The following PALLD variants were observed in gnomAD, a reference collection of about 807,000 sequenced individuals.
The protein encoded by PALLD is palladin, cytoskeletal associated protein.
In PALLD, 61 loss-of-function variants were observed where a neutral mutation model predicts 123.5. The observed-to-expected ratio is 0.49, with a 90% confidence interval of 0.40 to 0.61. PALLD has a LOEUF of 0.61. Ranked by LOEUF, PALLD falls within the 20% of genes least tolerant of loss-of-function variation. The pLI is 0.00. For synonymous variants in PALLD, 465 were observed against 496.4 expected (o/e 0.94, Z 0.84); for missense variants, 1,273 against 1,377.0 (o/e 0.92, Z 1.20).
chr4:168,920,282 CT>C (rs1433707470), intron 17 of PALLD, among the ~76,000 whole-genome samples: 2 of 152,182 alleles, frequency 1.3e-5, no homozygotes, highest in Non-Finnish European at 2.9e-5. Flanking sequence ...TCCAAAACCT[CT>C]TCATCCTTTT....
At chr4:168,560,582 T>C (rs962984043) in intron 2 of PALLD, among the ~76,000 whole-genome samples, 2 of 152,174 alleles carry the variant, frequency 1.3e-5, no homozygotes, top group African/African-American at 4.8e-5. Context: ...GATCCTAAAA[T>C]GATTTAAGTG....
intron 2 of PALLD, among the ~76,000 whole-genome samples, chr4:168,550,239 G>A (rs1766589428): frequency 6.6e-6 from 1 of 151,980 alleles, no homozygotes; most frequent in African/African-American, 2.4e-5. Context: ...TAAGTTAAAA[G>A]GGATGACTTT....
chr4:168,833,151 G>A (rs932718837), intron 10 of PALLD, among the ~76,000 whole-genome samples: 1 of 152,148 alleles, frequency 6.6e-6, no homozygotes. Context: ...ATGGTGAGTG[G>A]TCCAGACTCT....
At chr4:168,632,725 T>G (rs1021345840) in intron 2 of PALLD, among the ~76,000 whole-genome samples, 1 of 152,336 alleles carries the variant, frequency 6.6e-6, no homozygotes, top group South Asian at 2.1e-4. Context: ...TCTCCATTAG[T>G]TTTTATGGAA....
At chr4:168,522,696 A>G (rs549719304) in intron 2 of PALLD, among the ~76,000 whole-genome samples, 1 of 152,332 alleles carries the variant, frequency 6.6e-6, no homozygotes, top group African/African-American at 2.4e-5. Context: ...GAAACTTTAT[A>G]TAGCTTACTG....
chr4:168,591,361 G>A (rs529127348), intron 2 of PALLD, among the ~76,000 whole-genome samples: 91 of 152,256 alleles, frequency 6.0e-4, no homozygotes, highest in African/African-American at 1.8e-3. Flanking sequence ...ATCCCAGTGG[G>A]CCAGATACCA....
At chr4:168,909,707 T>A (rs942912745) in intron 15 of PALLD, among the ~76,000 whole-genome samples, 5 of 152,192 alleles carry the variant, frequency 3.3e-5, no homozygotes, top group Non-Finnish European at 5.9e-5. Context: ...GCCTACTAAC[T>A]ATGATTACCA....
intron 10 of PALLD, among the ~76,000 whole-genome samples, chr4:168,759,946 G>T (rs1732589987): frequency 6.6e-6 from 1 of 151,954 alleles, no homozygotes; most frequent in Admixed American, 6.6e-5. Flanking sequence ...CCCAGCTGCT[G>T]GGGAGGCTGA....
chr4:168,507,319 A>G (rs914925182), intron 1 of PALLD: 2 of 178,068 alleles, frequency 1.1e-5, no homozygotes, highest in African/African-American at 2.4e-5. Context: ...TCTATCATCT[A>G]TCTTATGGAC....
At chr4:168,511,239 A>G (rs1180238070) in intron 1 of PALLD, among the ~76,000 whole-genome samples, 184 bp from the exon 2 acceptor site, 1 of 152,226 alleles carries the variant, frequency 6.6e-6, no homozygotes, top group African/African-American at 2.4e-5. Flanking sequence ...TAGCACTCAC[A>G]GGGCATGTAT....
chr4:168,795,600 G>A (rs922419209), intron 10 of PALLD, among the ~76,000 whole-genome samples: 5 of 152,142 alleles, frequency 3.3e-5, no homozygotes, highest in African/African-American at 1.2e-4. Context: ...TTCCTATGTG[G>A]ATGAGCTCTA....
Position 168,922,116 on chromosome 4 carries a change from C to T in PALLD, c.3058+375C>T, listed in dbSNP as rs200643647. ...ATATATATATATACACACACACACA[C>T]ACACACACACACACACACACACACA... On this transcript the variant is annotated intron_variant, in intron 18 of 21. Coordinates refer to ENST00000505667, the MANE Select transcript of PALLD (RefSeq NM_001166108.2). 6.5e-3 allele frequency among the ~76,000 whole-genome samples: 292 copies of T among 44,752 alleles called. No homozygotes were observed. In the East Asian group the frequency reaches 0.17, roughly 27 times the overall value. 29.4% of individuals were successfully genotyped at this position (44,752 alleles called of 152,430 possible).
chr4:168,663,020 A>G (rs1402437097), intron 2 of PALLD, among the ~76,000 whole-genome samples: 2 of 152,344 alleles, frequency 1.3e-5, no homozygotes, highest in East Asian at 3.9e-4. Context: ...GAAAGTCTAT[A>G]AGCCTCTCTC....
intron 1 of PALLD, among the ~76,000 whole-genome samples, chr4:168,502,178 ATT>A (rs141720551): frequency 6.6e-6 from 1 of 150,520 alleles, no homozygotes; most frequent in African/African-American, 2.4e-5. Flanking sequence ...AGCAAAATAA[ATT>A]TTTTTTTTAG....
chr4:168,617,140 G>C (rs905584778), intron 2 of PALLD, among the ~76,000 whole-genome samples: 4 of 152,256 alleles, frequency 2.6e-5, no homozygotes, highest in Admixed American at 2.0e-4. Flanking sequence ...AAAAGGGAAA[G>C]AATTTGACAA....
In PALLD at chr4:168,592,120, G is replaced by A. The variant is rs139395246; in HGVS notation, c.909-76070G>A. ...CACCCTCCACCTCCGAGGTTCAAGC[G>A]ATTCTCCTGCCTCAGCCTCCTGAGT... On this transcript the variant is annotated intron_variant, in intron 2 of 21. Coordinates refer to ENST00000505667, the MANE Select transcript of PALLD (RefSeq NM_001166108.2). Among the ~76,000 whole-genome samples, 760 of 151,366 alleles carry A rather than the reference G, an allele frequency of 5.0e-3. 17 individuals carry two copies. In the South Asian group the frequency reaches 0.088, roughly 17 times the overall value.
At chr4:168,653,088 TTCTTCC>T (rs1431067364) in intron 2 of PALLD, among the ~76,000 whole-genome samples, 1 of 152,214 alleles carries the variant, frequency 6.6e-6, no homozygotes, top group Non-Finnish European at 1.5e-5. Context: ...TGTCAATTAT[TTCTTCC>T]TCTTCAGAGC....
At chr4:168,671,011 C>T (rs979530501) in intron 3 of PALLD, among the ~76,000 whole-genome samples, 2 of 93,166 alleles carry the variant, frequency 2.1e-5, no homozygotes, top group African/African-American at 4.4e-5. Flanking sequence ...GAGCGAGGCT[C>T]AGTCTCAAAA....
chr4:168,615,968 G>A (rs1774184517), intron 2 of PALLD, among the ~76,000 whole-genome samples: 1 of 152,154 alleles, frequency 6.6e-6, no homozygotes. Context: ...GTTAAGGAAG[G>A]AATGGTAGTG....
Sources: gnomAD v4.1 joint callset for allele counts (sites outside exome capture counted in the v4.1 genomes callset) on GRCh38, gnomAD v4.1.1 for gene constraint, MANE v1.5 for transcripts, NCBI Gene and HGNC (gene_info 2026-07-23, HGNC 2026-07-21) for gene names.